The following GBF1 variants were observed in gnomAD, a reference collection of about 807,000 sequenced individuals.
GBF1 encodes the protein Golgi-specific brefeldin A-resistance guanine nucleotide exchange factor 1.
Under a neutral mutation model 210.5 loss-of-function variants are expected in GBF1, and 114 were observed. The observed-to-expected ratio is 0.54, with a 90% CI of 0.47 to 0.63. The LOEUF (loss-of-function observed/expected upper bound fraction) is 0.63, where lower values mean the gene tolerates loss of function less well. GBF1 is among the 30% of genes least tolerant of loss of function. GBF1 has a pLI of 0.00. For missense variants in GBF1, 1,851 were observed against 2,357.7 expected, an observed-to-expected ratio of 0.79 and a Z score of 4.45; for synonymous variants, 850 against 889.2, an observed-to-expected ratio of 0.96 and a Z score of 0.78.
intron 9 of GBF1, 37 bp from the exon 10 acceptor site, chr10:102,358,469 T>C (rs959201524): frequency 6.8e-7 from 1 of 1,461,986 alleles, no homozygotes; most frequent in African/African-American, 1.4e-5. Flanking sequence ...CACAGCCTCT[T>C]TCTTCTCCTT....
intron 8 of GBF1, among the ~76,000 whole-genome samples, chr10:102,355,488 T>A (rs944394481): frequency 9.9e-5 from 15 of 152,164 alleles, no homozygotes; most frequent in Non-Finnish European, 2.1e-4. Flanking sequence ...ACCCCACACC[T>A]TCAGACCTTA....
intron 4 of GBF1, among the ~76,000 whole-genome samples, chr10:102,346,578 G>A (rs980199088): frequency 7.9e-5 from 12 of 152,034 alleles, no homozygotes; most frequent in Admixed American, 5.2e-4. Context: ...GCACAATCAC[G>A]GCTCACTGCA....
At chr10:102,304,250 T>A (rs2077643033) in intron 3 of GBF1, among the ~76,000 whole-genome samples, 1 of 152,208 alleles carries the variant, frequency 6.6e-6, no homozygotes, top group African/African-American at 2.4e-5. Flanking sequence ...GTTCTTTGAA[T>A]ACTTACTTGT....
At chr10:102,338,879 A>G (rs1425313068) in intron 3 of GBF1, among the ~76,000 whole-genome samples, 4 of 152,162 alleles carry the variant, frequency 2.6e-5, no homozygotes, top group Admixed American at 6.5e-5. Context: ...TACCAAGTTC[A>G]TGAATTGGTA....
At chr10:102,248,165 CTGT>C (rs1055963219) in intron 1 of GBF1, among the ~76,000 whole-genome samples, 1 of 151,992 alleles carries the variant, frequency 6.6e-6, no homozygotes, top group African/African-American at 2.4e-5. Context: ...TAGAATGATT[CTGT>C]TGTTGGGTTA....
intron 3 of GBF1, among the ~76,000 whole-genome samples, chr10:102,340,573 G>T (rs767667505): frequency 6.6e-6 from 1 of 151,308 alleles, no homozygotes; most frequent in Non-Finnish European, 1.5e-5. Flanking sequence ...ACGCCTGGCC[G>T]TTTTTTTAAT....
chr10:102,361,882 C>A lies in GBF1; in HGVS notation c.1656C>A (p.Leu552=). 6.2e-7 allele frequency: 1 copy of A among 1,607,638 alleles called. No homozygotes were observed. The highest frequency in any genetic ancestry group is 1.1e-5 in the South Asian group (1 of 89,966). ...ATTGTGACTACTACTGTTCCAACCT[C>A]TTTGAGGAACTCACAAAGCTGCTGT... ...NYDCDYYCSN[L]FEELTKLLSK... The change falls in exon 14 of 40, where the codon CTC becomes CTA. Residue 552 remains leucine (L), a synonymous_variant. Coordinates refer to ENST00000369983, the MANE Select transcript of GBF1 (RefSeq NM_001377137.1).
At chr10:102,237,578 C>A in the GBF1 span, among the ~76,000 whole-genome samples, 1 of 151,902 alleles carries the variant, frequency 6.6e-6, no homozygotes, top group East Asian at 1.9e-4. Flanking sequence ...GAGCAACAGC[C>A]CTGAATAAAG....
intron 3 of GBF1, among the ~76,000 whole-genome samples, chr10:102,305,601 C>T (rs1407299551): frequency 6.6e-6 from 1 of 151,610 alleles, no homozygotes; most frequent in Non-Finnish European, 1.5e-5. Context: ...CAGAGCAAGA[C>T]TCCATCTCCA....
rs767134654 is a variant in GBF1, at chr10:102,363,414, A to G, written c.2017+18A>G. 6 of 1,609,028 alleles carry G rather than the reference A, an allele frequency of 3.7e-6. No homozygotes were observed. In the South Asian group the frequency reaches 5.5e-5, roughly 15 times the overall value. On this transcript the variant is annotated intron_variant, in intron 16 of 39. Coordinates refer to ENST00000369983, the MANE Select transcript of GBF1 (RefSeq NM_001377137.1). The surrounding 1 kb of genome is among the most constrained non-coding windows in gnomAD (Gnocchi z 4.2). ...CTCTGGGGGTGGGTACTGGGTGTCC[A>G]TGACCCTAAGCTCCTCACCTGGAGG...
intron 3 of GBF1, among the ~76,000 whole-genome samples, chr10:102,302,883 C>G (rs929833904): frequency 6.6e-6 from 1 of 151,996 alleles, no homozygotes; most frequent in South Asian, 2.1e-4. Context: ...GTGGCCCAAA[C>G]TGTCGTTAGT....
At chr10:102,233,882 T>TC in the GBF1 span, among the ~76,000 whole-genome samples, 5 of 152,058 alleles carry the variant, frequency 3.3e-5, no homozygotes, top group Admixed American at 6.5e-5. Context: ...TCTCCAAGTT[T>TC]CCCCCGCAGG....
At chr10:102,293,177 CA>C (rs1291096628) in intron 3 of GBF1, among the ~76,000 whole-genome samples, 1 of 152,116 alleles carries the variant, frequency 6.6e-6, no homozygotes, top group Non-Finnish European at 1.5e-5. Context: ...TTTCGGTTAA[CA>C]ATGGACCCCA....
In GBF1 at chr10:102,293,771, G is replaced by GTTTTTTT. The variant is rs56722082; in HGVS notation, c.163+33673_163+33679dup. On this transcript the variant is annotated intron_variant, in intron 3 of 39. Coordinates refer to ENST00000369983, the MANE Select transcript of GBF1 (RefSeq NM_001377137.1). ...TTTGTACAGCTGTAGTATGTTTTGT[G>GTTTTTTT]TTTTTTTTTTTTTTTTTTTTTTTTG... 3.8e-3 allele frequency among the ~76,000 whole-genome samples: 87 copies of GTTTTTTT among 22,856 alleles called. 3 individuals are homozygous for GTTTTTTT. Among genetic ancestry groups the GTTTTTTT allele is most frequent in the African/African-American group, 0.016 (72 of 4,598 alleles). The allele number at this position is 22,856 out of a possible 152,430, so 15.0% of individuals were successfully genotyped here. A position where few individuals can be genotyped will look rare whatever the true frequency, so the allele number is the denominator to read the frequency against.
Position 102,369,402 on chromosome 10 carries a change from G to T in GBF1, c.3150+15G>T. On this transcript the variant is annotated intron_variant, in intron 24 of 39. Coordinates refer to ENST00000369983, the MANE Select transcript of GBF1 (RefSeq NM_001377137.1). The stretch of plus-strand genomic sequence containing the variant: ...CTATGATAGAGGTAATTCTTAGTAG[G>T]AGACTAGTGAGCGATAACAAGGCAA... The T allele has an allele frequency of 6.3e-7, 1 of 1,592,614 alleles. No homozygotes were observed.
chr10:102,352,786 C>T (rs1011378732), intron 7 of GBF1, among the ~76,000 whole-genome samples: 1 of 152,190 alleles, frequency 6.6e-6, no homozygotes, highest in Admixed American at 6.5e-5. Flanking sequence ...TGTTTCTGTG[C>T]AGGTAGCAGC....
At chr10:102,230,786 C>T in the GBF1 span, 3 of 1,545,224 alleles carry the variant, frequency 1.9e-6, no homozygotes, top group African/African-American at 1.4e-5. Flanking sequence ...TGCAGGGCCC[C>T]AGGCCCTGGC....
intron 3 of GBF1, among the ~76,000 whole-genome samples, chr10:102,261,332 A>G (rs1369356218): frequency 6.6e-6 from 1 of 152,110 alleles, no homozygotes; most frequent in Non-Finnish European, 1.5e-5. Context: ...GTCAAAACCA[A>G]GGGGATGTAG....
chr10:102,273,363 AAAG>A (rs2074621401), intron 3 of GBF1, among the ~76,000 whole-genome samples: 1 of 152,164 alleles, frequency 6.6e-6, no homozygotes, highest in Non-Finnish European at 1.5e-5. Context: ...AAAATAAAAA[AAAG>A]AAATTATCAG....
Sources: allele counts gnomAD v4.1 joint callset (sites outside exome capture counted in the v4.1 genomes callset), GRCh38; gene constraint gnomAD v4.1.1; non-coding constraint Gnocchi (gnomAD v3.1); transcripts MANE v1.5; gene names NCBI Gene and HGNC (gene_info 2026-07-23, HGNC 2026-07-21).